The following SYNE1 variants were observed in gnomAD, a reference collection of about 807,000 sequenced individuals.
The protein encoded by SYNE1 is spectrin repeat containing nuclear envelope protein 1.
In SYNE1, 616 loss-of-function variants were observed where a neutral mutation model predicts 1,111.0. The observed-to-expected ratio is 0.55, with a 90% CI of 0.52 to 0.59. The LOEUF (loss-of-function observed/expected upper bound fraction) is 0.59. SYNE1 is among the 20% of genes least tolerant of loss of function. The pLI is 0.00. For synonymous variants in SYNE1, 3,855 were observed against 3,825.8 expected (o/e 1.01, Z -0.28); for missense variants, 10,006 against 10,417.0 (o/e 0.96, Z 1.72).
At chr6:152,568,289 C>CTTTTTTTTTT (rs10601350) in intron 3 of SYNE1, among the ~76,000 whole-genome samples, 5 of 80,284 alleles carry the variant, frequency 6.2e-5, no homozygotes, top group East Asian at 4.5e-4. Flanking sequence ...TTATTTTATT[C>CTTTTTTTTTT]TTTTTTTTTT....
Position 152,463,815 on chromosome 6 carries a change from G to A in SYNE1, c.1933-298C>T, listed in dbSNP as rs9371598. Among the ~76,000 whole-genome samples, 28,093 of 152,142 alleles carry A rather than the reference G, an allele frequency of 0.18. 2,686 individuals carry two copies. The highest frequency in any genetic ancestry group is 0.3 in the Middle Eastern group (88 of 294). Reference sequence around the variant, plus strand: ...ATTAAAAAGCTGAATTTCTGTAAGTGTAAGAGACCTGTGCATAACCTTCAG... The same window carrying A: ...ATTAAAAAGCTGAATTTCTGTAAGTATAAGAGACCTGTGCATAACCTTCAG... On this transcript the variant is annotated intron_variant, in intron 18 of 145. Transcript: ENST00000367255.
intron 130 of SYNE1, among the ~76,000 whole-genome samples, chr6:152,172,647 T>C (rs2153099584): frequency 6.6e-6 from 1 of 152,322 alleles, no homozygotes; most frequent in African/African-American, 2.4e-5. Context: ...GAGAAATTGC[T>C]ATGTGGATTT....
At chr6:152,343,299 C>T (rs1267991007) in intron 74 of SYNE1, among the ~76,000 whole-genome samples, 1 of 151,272 alleles carries the variant, frequency 6.6e-6, no homozygotes, top group Non-Finnish European at 1.5e-5. Context: ...GCTAGGATTA[C>T]AGGCGCCTGC....
At chr6:152,505,457 C>T in intron 8 of SYNE1, 60 bp from the exon 9 acceptor site, 6 of 1,560,788 alleles carry the variant, frequency 3.8e-6, no homozygotes, top group South Asian at 1.1e-5. Context: ...GCACTTTCTT[C>T]AAGGCCTCAT....
intron 100 of SYNE1, among the ~76,000 whole-genome samples, chr6:152,263,386 C>T (rs2092310981): frequency 6.6e-6 from 1 of 151,840 alleles, no homozygotes. Context: ...ATTGGTATGG[C>T]TCTTATTTAT....
chr6:152,396,692 A>G (rs2097736806), intron 50 of SYNE1, 83 bp downstream of exon 50: 1 of 1,256,514 alleles, frequency 8.0e-7, no homozygotes, highest in Admixed American at 1.7e-5. Flanking sequence ...AACGTTATTT[A>G]TTTATTCACA....
intron 3 of SYNE1, among the ~76,000 whole-genome samples, chr6:152,577,828 T>C (rs1379605802): frequency 6.6e-6 from 1 of 152,004 alleles, no homozygotes. Flanking sequence ...ATAAAATAAT[T>C]TACTTATTTA....
rs181620985 is a variant in SYNE1 at position 152,247,194 on chromosome 6, C to G, written c.19572+1967G>C. Reference sequence around the variant, plus strand: ...AGAACTGCTCTGGATTGGAACAGCACAACTCAAGAGATGACTATATTGAGT... The same window carrying G: ...AGAACTGCTCTGGATTGGAACAGCAGAACTCAAGAGATGACTATATTGAGT... On this transcript the variant is annotated intron_variant, in intron 105 of 145. Coordinates refer to ENST00000367255, the MANE Select transcript of SYNE1 (RefSeq NM_182961.4). Among the ~76,000 whole-genome samples, 8 of 152,304 alleles carry G rather than the reference C, an allele frequency of 5.3e-5. No homozygotes were observed. In the East Asian group the frequency reaches 1.2e-3, roughly 22 times the overall value.
Position 152,362,476 on chromosome 6 carries a change from G to A in SYNE1, c.10146-153C>T, listed in dbSNP as rs1020765653. Among the ~76,000 whole-genome samples, 2 of 152,318 alleles carry A rather than the reference G, an allele frequency of 1.3e-5. 1 individual carries two copies. Among genetic ancestry groups the A allele is most frequent in the Admixed American group, 1.3e-4 (2 of 15,300 alleles). On this transcript the variant is annotated intron_variant, in intron 63 of 145. Coordinates refer to ENST00000367255, the MANE Select transcript of SYNE1 (RefSeq NM_182961.4). ...GTGAGCAGGCTGCCCAGGGCTTAAG[G>A]ACACTGAGTCCAGGTCTGAAGGGCA...
At position 152,236,155 on chromosome 6, in the gene SYNE1, A is replaced by G. The variant is rs1349548382; in HGVS notation, c.20348T>C (p.Met6783Thr). ...GECWLSNTNK[M>T]SKELHRLETI... The stretch of plus-strand genomic sequence containing the variant: ...TTCCAGTCTGTGAAGTTCCTTAGAC[A>G]TTTTATTGGTGTTACTTAGCCAGCA... The change falls in exon 110 of 146, where the codon ATG becomes ACG. Residue 6783 changes from methionine (M) to threonine (T), a missense_variant. Coordinates refer to ENST00000367255, the MANE Select transcript of SYNE1 (RefSeq NM_182961.4). 2 of 1,614,172 alleles carry G rather than the reference A, an allele frequency of 1.2e-6. No individual in the cohort carries two copies. Among genetic ancestry groups the G allele is most frequent in the South Asian group, 2.2e-5 (2 of 91,082 alleles).
At chr6:152,456,305 C>G (rs1245963377) in intron 22 of SYNE1, among the ~76,000 whole-genome samples, 1 of 151,370 alleles carries the variant, frequency 6.6e-6, no homozygotes, top group Non-Finnish European at 1.5e-5. Flanking sequence ...ACCTCATGTA[C>G]ATTTTATTGT....
chr6:152,252,695 C>A (rs1306537570), intron 104 of SYNE1, among the ~76,000 whole-genome samples: 1 of 152,162 alleles, frequency 6.6e-6, no homozygotes, highest in Non-Finnish European at 1.5e-5. Flanking sequence ...TGTGACTTGA[C>A]CTTTAATTAT....
chr6:152,355,723 T>C (rs2096825576), intron 66 of SYNE1, among the ~76,000 whole-genome samples: 1 of 152,238 alleles, frequency 6.6e-6, no homozygotes, highest in Non-Finnish European at 1.5e-5. Flanking sequence ...CATAAATCTA[T>C]ACTGTCACTT....
In SYNE1 at chr6:152,539,971, G is replaced by T; in HGVS notation, c.118C>A (p.His40Asn). 1.2e-6 allele frequency: 2 copies of T among 1,613,898 alleles called. No homozygotes were observed. Among genetic ancestry groups the T allele is most frequent in the Non-Finnish European group, 8.5e-7 (1 of 1,179,876 alleles). The change falls in exon 4 of 146, where the codon CAT (histidine) becomes AAT (asparagine). Residue 40 changes from histidine (H) to asparagine (N), a missense_variant. His to Asn is a moderately conservative substitution (Grantham distance 68). Coordinates refer to ENST00000367255, the MANE Select transcript of SYNE1 (RefSeq NM_182961.4). The stretch of plus-strand genomic sequence containing the variant: ...GTAGTTTCCTTTACCTTGGCCAGAT[G>T]AGAGTTGATCCATTTTGTGAAAGTT... ...KRTFTKWINS[H>N]LAKRKPPMVV...
intron 3 of SYNE1, among the ~76,000 whole-genome samples, chr6:152,570,561 T>C (rs1218387020): frequency 6.6e-6 from 1 of 152,190 alleles, no homozygotes; most frequent in East Asian, 1.9e-4. Context: ...GAGGCTGGAC[T>C]TGCTGAGGCC....
At chr6:152,151,831 C>T (rs1390763034) in intron 134 of SYNE1, 128 bp downstream of exon 134, 3 of 1,484,300 alleles carry the variant, frequency 2.0e-6, no homozygotes, top group African/African-American at 1.4e-5. Flanking sequence ...TTTGCTATAT[C>T]ACTCCCCGGT....
intron 131 of SYNE1, among the ~76,000 whole-genome samples, chr6:152,157,500 A>G (rs1255960981): frequency 1.3e-5 from 2 of 152,200 alleles, no homozygotes; most frequent in Non-Finnish European, 2.9e-5. Flanking sequence ...TTAATGTTCG[A>G]TAGAGTAGAA....
intron 95 of SYNE1, among the ~76,000 whole-genome samples, chr6:152,289,923 G>A (rs1399177248): frequency 8.3e-6 from 1 of 120,930 alleles, no homozygotes; most frequent in Non-Finnish European, 1.7e-5. Context: ...ACCGCGCCCA[G>A]CCTTTTTTTT....
chr6:152,401,645 A>G (rs911812622), intron 46 of SYNE1, among the ~76,000 whole-genome samples: 3 of 152,228 alleles, frequency 2.0e-5, no homozygotes, highest in Non-Finnish European at 4.4e-5. Flanking sequence ...AGACCTACCC[A>G]GAATTCCCAG....
Sources: allele counts gnomAD v4.1 joint callset (sites outside exome capture counted in the v4.1 genomes callset), GRCh38; gene constraint gnomAD v4.1.1; transcripts MANE v1.5; gene names NCBI Gene and HGNC (gene_info 2026-07-23, HGNC 2026-07-21).